The following SMC1B variants were observed in gnomAD, a reference collection of about 807,000 sequenced individuals.
SMC1B encodes structural maintenance of chromosomes 1B, also known as structural maintenance of chromosomes protein 1B.
Under a neutral mutation model 157.9 loss-of-function variants are expected in SMC1B, and 60 were observed. The ratio of observed to expected loss-of-function variants is 0.38; its 90% confidence interval spans 0.31 to 0.47. The LOEUF (loss-of-function observed/expected upper bound fraction) is 0.47, where lower values mean the gene tolerates loss of function less well. Among genes scored for constraint, SMC1B ranks in the 20% least tolerant of loss-of-function variants. The probability of loss-of-function intolerance (pLI) is 0.99; values close to 1 mark genes in which losing one functional copy is unlikely to be tolerated. For missense variants in SMC1B, 1,165 were observed against 1,426.2 expected (o/e 0.82, Z 2.95); for synonymous variants, 445 against 483.0 (o/e 0.92, Z 1.03).
chr22:45,377,889 C>T (rs2086898512), intron 12 of SMC1B, among the ~76,000 whole-genome samples: 2 of 151,770 alleles, frequency 1.3e-5, no homozygotes, highest in African/African-American at 4.8e-5. Context: ...CCTTCTGTTA[C>T]CCAGGTTAAA....
chr22:45,355,188 G>T, intron 19 of SMC1B, 73 bp from the exon 20 acceptor site: 1 of 1,497,356 alleles, frequency 6.7e-7, no homozygotes, highest in Non-Finnish European at 9.2e-7. Flanking sequence ...GTGCGTGTGT[G>T]GGGCACTTCA....
chr22:45,378,169 A>T (rs1466789020), intron 12 of SMC1B, among the ~76,000 whole-genome samples: 1 of 152,170 alleles, frequency 6.6e-6, no homozygotes, highest in East Asian at 1.9e-4. Flanking sequence ...TGTCTCAAAG[A>T]TAATGGTAGG....
chr22:45,401,432 G>A (rs1049141622), intron 5 of SMC1B, among the ~76,000 whole-genome samples: 1 of 152,256 alleles, frequency 6.6e-6, no homozygotes, highest in African/African-American at 2.4e-5. Flanking sequence ...AGCCAGCTAT[G>A]TTCAACATGA....
chr22:45,363,093 G>A (rs2086737576), intron 15 of SMC1B, 67 bp from the exon 16 acceptor site: 7 of 1,153,804 alleles, frequency 6.1e-6, no homozygotes, highest in South Asian at 1.7e-5. Flanking sequence ...TTTTCTTATG[G>A]GAAATTTCAA....
chr22:45,409,609 TA>T (rs71190664), intron 1 of SMC1B, among the ~76,000 whole-genome samples: 14,378 of 84,022 alleles, frequency 0.17, 863 homozygotes, highest in African/African-American at 0.31. Context: ...AATAAATAAA[TA>T]AAAACAAGAG....
At chr22:45,377,863 T>G (rs1035433521) in intron 12 of SMC1B, among the ~76,000 whole-genome samples, 2 of 151,866 alleles carry the variant, frequency 1.3e-5, no homozygotes, top group African/African-American at 4.8e-5. Context: ...TCCTTTTTTT[T>G]TTTGAGACAG....
At chr22:45,364,268 C>T (rs1033725698) in intron 15 of SMC1B, among the ~76,000 whole-genome samples, 3 of 152,110 alleles carry the variant, frequency 2.0e-5, no homozygotes, top group African/African-American at 7.2e-5. Context: ...CCATGCTCAC[C>T]CTGCCCCCCC....
intron 9 of SMC1B, among the ~76,000 whole-genome samples, chr22:45,390,577 C>T (rs192033657): frequency 5.1e-4 from 77 of 152,198 alleles, no homozygotes; most frequent in Middle Eastern, 3.4e-3. Flanking sequence ...TGGTGGCGCA[C>T]GCCTGCAGTT....
rs759116364 is a variant in SMC1B at position 45,359,852 on chromosome 22, C to G, written c.2815G>C (p.Glu939Gln). ...AGTGACCCCGACAAAAGGATTATCT[C>G]AATGTCTTGCACTTTGCAATCAAGC... ...LLLDCKVQDI[E>Q]IILLSGSLDD... Residue 939 changes from glutamate (E) to glutamine (Q), a missense_variant, in exon 18 of 25, where the codon GAG (glutamate) becomes CAG (glutamine). Physicochemically the swap from Glu to Gln is conservative, Grantham distance 29. Transcript: ENST00000357450. 6.2e-7 allele frequency: 1 copy of G among 1,613,924 alleles called. No individual in the cohort carries two copies. Among genetic ancestry groups the G allele is most frequent in the East Asian group, 2.2e-5 (1 of 44,876 alleles).
chr22:45,406,620 G>A lies in SMC1B; in HGVS notation c.455C>T (p.Thr152Ile), dbSNP rs536478918. The A allele has an allele frequency of 1.3e-5, 21 of 1,613,454 alleles. No individual in the cohort carries two copies. The highest frequency in any genetic ancestry group is 1.7e-5 in the Non-Finnish European group (20 of 1,179,860). Reference sequence around the variant, plus strand: ...AGTGCTGATTTCCTCAAAAAACTGGGTCCTTTCTTTGGGTTTCTTCACTGA... The same window carrying A: ...AGTGCTGATTTCCTCAAAAAACTGGATCCTTTCTTTGGGTTTCTTCACTGA... ...SISVKKPKER[T>I]QFFEEISTSG... Residue 152 changes from threonine to isoleucine, a missense_variant, in exon 4 of 25, where the codon ACC becomes ATC. Physicochemically the swap from Thr to Ile is moderately conservative, Grantham distance 89 (BLOSUM62 -1). Coordinates refer to ENST00000357450, the MANE Select transcript of SMC1B (RefSeq NM_148674.5).
At chr22:45,368,767 G>A (rs113707865) in intron 15 of SMC1B, among the ~76,000 whole-genome samples, 3,646 of 152,014 alleles carry the variant, frequency 0.024, 137 homozygotes, top group African/African-American at 0.084. Context: ...CACCTGCCTC[G>A]GTCGGCCTCC....
Position 45,389,910 on chromosome 22 carries a change from C to T in SMC1B, c.1546-13G>A. 3 of 1,596,396 alleles carry T rather than the reference C, an allele frequency of 1.9e-6. No homozygotes were observed. Among genetic ancestry groups the T allele is most frequent in the Non-Finnish European group, 2.6e-6 (3 of 1,173,000 alleles). On this transcript the variant is annotated splice_polypyrimidine_tract_variant and intron_variant, in intron 9 of 24. Coordinates refer to ENST00000357450, the MANE Select transcript of SMC1B (RefSeq NM_148674.5). ...ATAGTCTTCCAAACTTAGCAGGTTTCAAAAAAGGAGAGAAAAACAGATATA... is the reference window on the plus strand; with the variant it reads ...ATAGTCTTCCAAACTTAGCAGGTTTTAAAAAAGGAGAGAAAAACAGATATA...
In SMC1B at chr22:45,406,871, A is replaced by G. The variant is rs774591114; in HGVS notation, c.299-6T>C. On this transcript the variant is annotated splice_region_variant and splice_polypyrimidine_tract_variant and intron_variant, in intron 2 of 24. Transcript: ENST00000357450. Reference sequence around the variant, plus strand: ...GCGAAATTCTGAGCATCCCCCTAAAATAAAAAAATAAACCCTGTTAAAAAA... The same window carrying G: ...GCGAAATTCTGAGCATCCCCCTAAAGTAAAAAAATAAACCCTGTTAAAAAA... 27 of 1,542,674 alleles carry G rather than the reference A, an allele frequency of 1.8e-5. No individual in the cohort carries two copies. The South Asian group carries it at 3.2e-4, about 18-fold the overall frequency.
chr22:45,396,377 G>A lies in SMC1B; in HGVS notation c.1223C>T (p.Ala408Val). Residue 408 changes from alanine (A) to valine (V), a missense_variant, in exon 7 of 25, where the codon GCA (alanine) becomes GTA (valine). Ala to Val is a moderately conservative substitution (Grantham distance 64). Coordinates refer to ENST00000357450, the MANE Select transcript of SMC1B (RefSeq NM_148674.5). ...TTCTCCATGCCTCCTCTTTTCAAAT[G>A]CCAGTCTTTCTTCATCTGTCTTCTG... ...WEQKTDEERL[A>V]FEKRRHGEVQ... The A allele has an allele frequency of 6.2e-7, 1 of 1,612,930 alleles. No individual in the cohort carries two copies. Among genetic ancestry groups the A allele is most frequent in the Non-Finnish European group, 8.5e-7 (1 of 1,179,498 alleles).
At chr22:45,345,662 G>C (rs5765260) in intron 23 of SMC1B, 93 bp from the exon 24 acceptor site, 347,520 of 738,236 alleles carry the variant, frequency 0.47, 88,174 homozygotes, top group Non-Finnish European at 0.55. Flanking sequence ...AGTCTGGTCA[G>C]TTTAGGTGAC....
intron 1 of SMC1B, 72 bp downstream of exon 1, chr22:45,413,387 C>G: frequency 3.2e-6 from 4 of 1,249,358 alleles, no homozygotes; most frequent in South Asian, 1.4e-5. Context: ...GCCCACACCC[C>G]ACAGGCCACG....
intron 9 of SMC1B, among the ~76,000 whole-genome samples, chr22:45,391,853 C>T (rs569963292): frequency 6.6e-6 from 1 of 152,294 alleles, no homozygotes; most frequent in African/African-American, 2.4e-5. Context: ...GAAGAGAGGG[C>T]TTCAAAATGG....
intron 20 of SMC1B, among the ~76,000 whole-genome samples, chr22:45,354,371 TATG>T (rs2086649252): frequency 2.0e-5 from 3 of 152,040 alleles, no homozygotes; most frequent in African/African-American, 7.2e-5. Flanking sequence ...GGTATGTATG[TATG>T]TATGTATGTA....
At position 45,354,095 on chromosome 22, in the gene SMC1B, C is replaced by G; in HGVS notation, c.3156G>C (p.Arg1052Ser). The change falls in exon 21 of 25, where the codon AGG (arginine) becomes AGC (serine). Residue 1052 changes from arginine (R) to serine (S), a missense_variant. Physicochemically the swap from Arg to Ser is moderately radical, Grantham distance 110. Coordinates refer to ENST00000357450, the MANE Select transcript of SMC1B (RefSeq NM_148674.5). ...EASRKEARLC[R>S]QEFEQVKKRR... The stretch of plus-strand genomic sequence containing the variant: ...TTTTTTTCACTTGCTCGAACTCTTG[C>G]CTACACAGTCTGGCTTCCTTTCTGC... The G allele has an allele frequency of 6.3e-7, 1 of 1,592,904 alleles. No homozygotes were observed. The highest frequency in any genetic ancestry group is 1.2e-5 in the South Asian group (1 of 86,414).
Sources: allele counts gnomAD v4.1 joint callset (sites outside exome capture counted in the v4.1 genomes callset), GRCh38; gene constraint gnomAD v4.1.1; transcripts MANE v1.5; gene names NCBI Gene and HGNC (gene_info 2026-07-23, HGNC 2026-07-21).